The following ERBB2 variants were observed in gnomAD, a reference collection of about 807,000 sequenced individuals.
The protein encoded by ERBB2 is receptor tyrosine-protein kinase erbB-2.
ERBB2 carries 61 observed loss-of-function variants against 149.0 expected under a neutral mutation model. That is an observed-to-expected ratio of 0.41 (90% CI 0.33 to 0.51). The LOEUF (loss-of-function observed/expected upper bound fraction) is 0.51. Among genes scored for constraint, ERBB2 ranks in the 20% least tolerant of loss-of-function variants. The pLI, the probability that ERBB2 is intolerant of heterozygous loss-of-function variation, is 0.25. For synonymous variants in ERBB2, 633 were observed against 678.8 expected (o/e 0.93, Z 1.05); for missense variants, 1,205 against 1,655.1 (o/e 0.73, Z 4.72).
chr17:39,691,391 A>C (rs899303407), upstream of ERBB2, among the ~76,000 whole-genome samples: 1 of 151,554 alleles, frequency 6.6e-6, no homozygotes, highest in African/African-American at 2.4e-5. Flanking sequence ...AAAATACAAA[A>C]AAATTAGCTG....
At chr17:39,708,106 CCCCCCCA>C (rs1485265175) in intron 2 of ERBB2, 9 of 485,248 alleles carry the variant, frequency 1.9e-5, no homozygotes, top group Non-Finnish European at 3.3e-5. Context: ...TTATGAAATG[CCCCCCCA>C]CCATTATCTT....
rs763698349 is a variant in ERBB2 at position 39,728,062 on chromosome 17, G to C, written c.*18G>C. On this transcript the variant is annotated 3_prime_UTR_variant, in exon 27 of 27. Coordinates refer to ENST00000269571, the MANE Select transcript of ERBB2 (RefSeq NM_004448.4). The stretch of plus-strand genomic sequence containing the variant: ...CAGTGTGAACCAGAAGGCCAAGTCC[G>C]CAGAAGCCCTGATGTGTCCTCAGGG... 1 of 1,532,856 alleles carries C rather than the reference G, an allele frequency of 6.5e-7. No homozygotes were observed. The highest frequency in any genetic ancestry group is 1.4e-5 in the African/African-American group (1 of 73,550). 95.0% of individuals were successfully genotyped at this position (1,532,856 alleles called of 1,614,324 possible).
chr17:39,698,623 T>TG (rs35542329), upstream of ERBB2, among the ~76,000 whole-genome samples: 42,942 of 151,976 alleles, frequency 0.28, 7,008 homozygotes, highest in South Asian at 0.43. Flanking sequence ...CTCCCTAGGA[T>TG]GGCATAGCAA....
chr17:39,691,574 T>TATATATAC (rs1244087250), upstream of ERBB2, among the ~76,000 whole-genome samples: 1 of 122,060 alleles, frequency 8.2e-6, no homozygotes, highest in African/African-American at 4.0e-5. Flanking sequence ...TATATATATA[T>TATATATAC]ACACACACAC....
At chr17:39,714,399 T>A (rs919788594) in intron 9 of ERBB2, among the ~76,000 whole-genome samples, 1 of 152,256 alleles carries the variant, frequency 6.6e-6, no homozygotes, top group Admixed American at 6.5e-5. Context: ...GAAACCCGGC[T>A]CTACCACTTA....
intron 14 of ERBB2, 105 bp downstream of exon 14, chr17:39,716,710 A>G (rs757912088): frequency 2.1e-5 from 22 of 1,036,616 alleles, no homozygotes; most frequent in Non-Finnish European, 2.8e-5. Flanking sequence ...ATCTGGTAAA[A>G]TATCCCTGGA....
At chr17:39,718,693 G>A (rs547071761) in intron 15 of ERBB2, among the ~76,000 whole-genome samples, 68 of 151,982 alleles carry the variant, frequency 4.5e-4, no homozygotes, top group African/African-American at 1.5e-3. Flanking sequence ...CTTTCCCCCC[G>A]ACTTGAGGTA....
chr17:39,688,815 C>T (rs1465536417), intron 2 of ERBB2: 1 of 152,370 alleles, frequency 6.6e-6, no homozygotes, highest in African/African-American at 2.4e-5. Context: ...GCGCTAACTG[C>T]GTTTGTTTGT....
chr17:39,722,497 T>A (rs2059504833), intron 16 of ERBB2, among the ~76,000 whole-genome samples: 1 of 152,082 alleles, frequency 6.6e-6, no homozygotes, highest in African/African-American at 2.4e-5. Context: ...CAAGGCCCTG[T>A]CTCAAAAATA....
chr17:39,716,618 CG>C lies in ERBB2; in HGVS notation c.1737+16del. Reference sequence around the variant, plus strand: ...CTGTTTTGGACCGGTGAGCTGCTGGCGGGCTCAGAGCTGGGTGGAGGGGGGC... The same window carrying C: ...CTGTTTTGGACCGGTGAGCTGCTGGCGGCTCAGAGCTGGGTGGAGGGGGGC... On this transcript the variant is annotated intron_variant, in intron 14 of 26. Coordinates refer to ENST00000269571, the MANE Select transcript of ERBB2 (RefSeq NM_004448.4). 1 of 1,612,562 alleles carries C rather than the reference CG, an allele frequency of 6.2e-7. No homozygotes were observed. Among genetic ancestry groups the C allele is most frequent in the Non-Finnish European group, 8.5e-7 (1 of 1,179,076 alleles).
upstream of ERBB2, among the ~76,000 whole-genome samples, chr17:39,697,335 A>G (rs1317980888): frequency 1.3e-5 from 2 of 148,912 alleles, no homozygotes; most frequent in Non-Finnish European, 3.0e-5. Flanking sequence ...TGAATGTGCT[A>G]GGGTTGTTTT....
At chr17:39,716,730 G>C in intron 14 of ERBB2, 125 bp downstream of exon 14, 1 of 862,292 alleles carries the variant, frequency 1.2e-6, no homozygotes, top group Non-Finnish European at 1.9e-6. Flanking sequence ...AGAGGGCTCA[G>C]CGCTCAGACC....
At position 39,719,952 on chromosome 17, in the gene ERBB2, C is replaced by T. The variant is rs2059360739; in HGVS notation, c.1946+118C>T. 3.3e-6 allele frequency: 3 copies of T among 916,346 alleles called. No individual in the cohort carries two copies. In the Admixed American group the frequency reaches 5.5e-5, roughly 17 times the overall value. 56.8% of individuals were successfully genotyped at this position (916,346 alleles called of 1,614,324 possible). On this transcript the variant is annotated intron_variant, in intron 16 of 26. Coordinates refer to ENST00000269571, the MANE Select transcript of ERBB2 (RefSeq NM_004448.4). ...ATATGTCCCTTCCCACCCACTCTTC[C>T]ACTGTGGAACCTCCTGTCATTTTCC...
At chr17:39,715,168 C>G in intron 9 of ERBB2, 118 bp from the exon 10 acceptor site, 1 of 806,306 alleles carries the variant, frequency 1.2e-6, no homozygotes, top group South Asian at 1.5e-5. Context: ...CAGCTGGGCT[C>G]GATGGGCAAA....
intron 1 of ERBB2, among the ~76,000 whole-genome samples, chr17:39,706,462 C>T (rs981159547): frequency 6.6e-6 from 1 of 152,202 alleles, no homozygotes; most frequent in African/African-American, 2.4e-5. Context: ...CTCCAGCTGA[C>T]CCTCCTTCCC....
chr17:39,702,546 C>G (rs918219636), intron 1 of ERBB2, among the ~76,000 whole-genome samples: 2 of 152,122 alleles, frequency 1.3e-5, no homozygotes, highest in African/African-American at 4.8e-5. Flanking sequence ...CTTTACTATA[C>G]TTGGGGAAAG....
rs2058827100 is a variant in ERBB2, at chr17:39,712,006, G to A, written c.980G>A (p.Gly327Glu). The change falls in exon 8 of 27, where the codon GGA becomes GAA. Residue 327 changes from glycine to glutamate, a missense_variant. This residue lies in a region of ERBB2 where 569 missense variants were observed against 803.5 expected (regional missense o/e 0.71). Transcript: ENST00000269571. The part of the protein sequence containing the change: ...LHNQEVTAED[G>E]TQRCEKCSKP... ...AACCAAGAGGTGACAGCAGAGGATG[G>A]AACACAGCGGTGTGAGAAGTGCAGC... is the stretch of plus-strand genomic sequence containing the variant. 1 of 1,614,122 alleles carries A rather than the reference G, an allele frequency of 6.2e-7. No homozygotes were observed. The highest frequency in any genetic ancestry group is 8.5e-7 in the Non-Finnish European group (1 of 1,180,016).
Position 39,710,212 on chromosome 17 carries a change from C to T in ERBB2, c.759+11C>T, listed in dbSNP as rs2145507827. ...CACTCTGACTGCCTGGTATGTGCCTCTGCTTTGTGCCCAATGTGCTCTACC... is the reference window on the plus strand; with the variant it reads ...CACTCTGACTGCCTGGTATGTGCCTTTGCTTTGTGCCCAATGTGCTCTACC... On this transcript the variant is annotated intron_variant, in intron 6 of 26. Transcript: ENST00000269571. 6.2e-7 allele frequency: 1 copy of T among 1,611,562 alleles called. No homozygotes were observed. Among genetic ancestry groups the T allele is most frequent in the South Asian group, 1.1e-5 (1 of 91,042 alleles).
At chr17:39,709,992 C>T in intron 5 of ERBB2, 94 bp from the exon 6 acceptor site, 1 of 1,499,672 alleles carries the variant, frequency 6.7e-7, no homozygotes, top group Non-Finnish European at 9.2e-7. Context: ...TGGGATGTCT[C>T]CCCTGGGCCA....
Sources: gnomAD v4.1 joint callset for allele counts (sites outside exome capture counted in the v4.1 genomes callset) on GRCh38, gnomAD v4.1.1 for gene constraint, gnomAD v4.1.1 regional missense constraint, MANE v1.5 for transcripts, NCBI Gene and HGNC (gene_info 2026-07-23, HGNC 2026-07-21) for gene names.